Variants in PDE4D observed in about 807,000 individuals in gnomAD.
PDE4D encodes 3',5'-cyclic-AMP phosphodiesterase 4D.
In PDE4D, 24 loss-of-function variants were observed where a neutral mutation model predicts 87.4. That is an observed-to-expected ratio of 0.27 (90% CI 0.20 to 0.39). PDE4D has a LOEUF of 0.39. Among genes scored for constraint, PDE4D ranks in the 10% least tolerant of loss-of-function variants. The probability of loss-of-function intolerance (pLI) is 1.00; values close to 1 mark genes in which losing one functional copy is unlikely to be tolerated. For synonymous variants in PDE4D, 384 were observed against 383.2 expected (o/e 1.00, Z -0.02); for missense variants, 714 against 1,041.0 (o/e 0.69, Z 4.32).
At chr5:59,726,337 G>T (rs146614537) in intron 1 of PDE4D, among the ~76,000 whole-genome samples, 7 of 152,036 alleles carry the variant, frequency 4.6e-5, no homozygotes, top group African/African-American at 1.7e-4. Context: ...ACTGAATTAT[G>T]TCCCCTTCAA....
chr5:59,395,393 A>T (rs1048270680), intron 1 of PDE4D, among the ~76,000 whole-genome samples: 19 of 152,316 alleles, frequency 1.2e-4, no homozygotes, highest in Non-Finnish European at 2.8e-4. Flanking sequence ...AGATCTGAGA[A>T]CTGGCAGACT....
chr5:59,196,090 T>G (rs144854848), intron 2 of PDE4D, among the ~76,000 whole-genome samples: 545 of 152,002 alleles, frequency 3.6e-3, no homozygotes, highest in African/African-American at 0.013. Context: ...AAGAAAAAGT[T>G]CTGGGGAAAA....
Position 60,240,928 on chromosome 5 carries a change from G to A in PDE4D, c.-89-55241C>T, listed in dbSNP as rs145674160. 5.3e-3 allele frequency among the ~76,000 whole-genome samples: 814 copies of A among 152,178 alleles called. 3 individuals carry two copies. The highest frequency in any genetic ancestry group is 0.014 in the Middle Eastern group (4 of 294). ...GAATGGGTATGAAGAATCCCAGACT[G>A]TGAAGATGACAATACCTAACTCTTC... On this transcript the variant is annotated intron_variant, in intron 1 of 16. Coordinates refer to the PDE4D transcript ENST00000502484.
At chr5:59,944,126 A>T (rs1757476136) in intron 3 of PDE4D, among the ~76,000 whole-genome samples, 1 of 152,226 alleles carries the variant, frequency 6.6e-6, no homozygotes, top group South Asian at 2.1e-4. Context: ...GAGACTAAGG[A>T]AGTGTTAACT....
chr5:60,046,514 A>G (rs1472968850), intron 2 of PDE4D, among the ~76,000 whole-genome samples: 5 of 152,116 alleles, frequency 3.3e-5, no homozygotes, highest in African/African-American at 7.2e-5. Flanking sequence ...TGTCATAGAT[A>G]GCTCTTATTA....
At chr5:60,103,224 C>T (rs555302949) in intron 2 of PDE4D, among the ~76,000 whole-genome samples, 1 of 152,256 alleles carries the variant, frequency 6.6e-6, no homozygotes, top group South Asian at 2.1e-4. Flanking sequence ...AAGTAAGAGC[C>T]TTGGAGTTAT....
chr5:59,071,788 G>T (rs1764866033), intron 5 of PDE4D, among the ~76,000 whole-genome samples: 1 of 139,334 alleles, frequency 7.2e-6, no homozygotes, highest in Non-Finnish European at 1.5e-5. Context: ...CTGGGTTCAA[G>T]CAATTCTCCT....
chr5:59,641,489 C>T (rs1297367680), intron 1 of PDE4D, among the ~76,000 whole-genome samples: 1 of 152,132 alleles, frequency 6.6e-6, no homozygotes, highest in Non-Finnish European at 1.5e-5. Flanking sequence ...AAATTCTTTC[C>T]AGCTTTTCTA....
At chr5:60,439,378 T>G (rs1454661659) in intron 1 of PDE4D, among the ~76,000 whole-genome samples, 1 of 152,048 alleles carries the variant, frequency 6.6e-6, no homozygotes, top group African/African-American at 2.4e-5. Flanking sequence ...TCAAGATATA[T>G]CTTCTCCATG....
intron 1 of PDE4D, among the ~76,000 whole-genome samples, chr5:60,202,784 A>T (rs1055942143): frequency 2.2e-4 from 34 of 152,278 alleles, no homozygotes; most frequent in African/African-American, 8.2e-4. Context: ...AAAGAAAAAA[A>T]AATACAGTTT....
At chr5:59,207,041 C>T (rs867704235) in intron 2 of PDE4D, among the ~76,000 whole-genome samples, 10 of 151,906 alleles carry the variant, frequency 6.6e-5, no homozygotes, top group South Asian at 4.2e-4. Flanking sequence ...AAAAATTAGC[C>T]GGGTGTGGTA....
chr5:60,237,817 T>C (rs1026745793), intron 1 of PDE4D, among the ~76,000 whole-genome samples: 2 of 151,966 alleles, frequency 1.3e-5, no homozygotes, highest in Non-Finnish European at 2.9e-5. Context: ...GCATAATCAT[T>C]GGGGGAAACT....
rs936160133 is a variant in PDE4D at position 59,616,945 on chromosome 5, A to ATATATATATATATATATATC, written c.455+276222_455+276223insGATATATATATATATATATA. Among the ~76,000 whole-genome samples, 117 of 137,252 alleles carry ATATATATATATATATATATC rather than the reference A, an allele frequency of 8.5e-4. 2 individuals carry two copies. Among genetic ancestry groups the ATATATATATATATATATATC allele is most frequent in the Middle Eastern group, 3.8e-3 (1 of 264 alleles). The allele number at this position is 137,252 out of a possible 152,430, so 90.0% of individuals were successfully genotyped here. On this transcript the variant is annotated intron_variant, in intron 1 of 14. Coordinates refer to ENST00000340635, the MANE Select transcript of PDE4D (RefSeq NM_001104631.2). ...TATATATATATATATATATATATAT[A>ATATATATATATATATATATC]TCTCCAAGATTTTAAAGTATTAGGT... is the stretch of plus-strand genomic sequence containing the variant.
chr5:59,193,074 T>C (rs1047063975), intron 3 of PDE4D, among the ~76,000 whole-genome samples: 14 of 152,148 alleles, frequency 9.2e-5, no homozygotes, highest in Non-Finnish European at 2.1e-4. Context: ...CATCAACACA[T>C]CACTCAGCTA....
rs1183166870 is a variant in PDE4D at position 58,975,255 on chromosome 5, A to T, written c.2014-175T>A. Reference sequence around the variant, plus strand: ...AGACCATTTAAAGTAAAGTATTGCTACTAGCTGGTCAAAATTAGCTTCTAG... The same window carrying T: ...AGACCATTTAAAGTAAAGTATTGCTTCTAGCTGGTCAAAATTAGCTTCTAG... On this transcript the variant is annotated intron_variant, in intron 14 of 14. Coordinates refer to ENST00000340635, the MANE Select transcript of PDE4D (RefSeq NM_001104631.2). The surrounding 1 kb of genome is among the most constrained non-coding windows in gnomAD (Gnocchi z 4.2). Among the ~76,000 whole-genome samples, 1 of 152,208 alleles carries T rather than the reference A, an allele frequency of 6.6e-6. No individual in the cohort carries two copies.
intron 5 of PDE4D, among the ~76,000 whole-genome samples, chr5:59,139,832 G>A (rs577087501): frequency 1.3e-5 from 2 of 152,206 alleles, no homozygotes; most frequent in South Asian, 2.1e-4. Context: ...AAAAACTGTC[G>A]TGTGGAGGAG....
intron 1 of PDE4D, among the ~76,000 whole-genome samples, chr5:59,333,654 T>G (rs1299130639): frequency 2.0e-5 from 3 of 152,156 alleles, no homozygotes; most frequent in Non-Finnish European, 4.4e-5. Flanking sequence ...GGCTTCAGAT[T>G]TTGTAATTTA....
At chr5:60,181,238 G>T (rs1412056366) in intron 2 of PDE4D, among the ~76,000 whole-genome samples, 1 of 151,984 alleles carries the variant, frequency 6.6e-6, no homozygotes, top group South Asian at 2.1e-4. Context: ...CAATGTAAAG[G>T]TACAGATGGA....
chr5:58,975,989 T>G lies in PDE4D; in HGVS notation c.1831-150A>C, dbSNP rs1743653207. 1 of 633,880 alleles carries G rather than the reference T, an allele frequency of 1.6e-6. No homozygotes were observed. The highest frequency in any genetic ancestry group is 2.5e-6 in the Non-Finnish European group (1 of 392,640). 39.3% of individuals were successfully genotyped at this position (633,880 alleles called of 1,614,324 possible). A position where few individuals can be genotyped will look rare whatever the true frequency, so the allele number is the denominator to read the frequency against. ...TTCCAAACAGCTCAACCATGATGTG[T>G]CTGTGTATAGTTCACACTTGTATTA... On this transcript the variant is annotated intron_variant, in intron 13 of 14. Transcript: ENST00000340635. This position sits in a 1 kb window ranked among gnomAD's most constrained non-coding sequence, Gnocchi z 4.2.
Sources: allele counts gnomAD v4.1 joint callset (sites outside exome capture counted in the v4.1 genomes callset), GRCh38; gene constraint gnomAD v4.1.1; non-coding constraint Gnocchi (gnomAD v3.1); transcripts MANE v1.5; gene names NCBI Gene and HGNC (gene_info 2026-07-23, HGNC 2026-07-21).